The following CSMD1 variants were observed in gnomAD, a reference collection of about 807,000 sequenced individuals.
CSMD1 encodes CUB and sushi domain-containing protein 1.
A neutral mutation model predicts 417.5 loss-of-function variants in CSMD1; 213 were observed. That is an observed-to-expected ratio of 0.51 (90% confidence interval 0.46 to 0.57). CSMD1 has a LOEUF of 0.57. Ranked by LOEUF, CSMD1 falls within the 20% of genes least tolerant of loss-of-function variation. CSMD1 has a pLI of 0.00. For missense variants in CSMD1, 6,923 were observed against 4,529.7 expected, an observed-to-expected ratio of 1.53 and a Z score of -15.17; for synonymous variants, 2,862 against 1,736.8, an observed-to-expected ratio of 1.65 and a Z score of -16.11.
intron 2 of CSMD1, among the ~76,000 whole-genome samples, chr8:4,431,451 G>C (rs1157595138): frequency 1.3e-5 from 2 of 152,098 alleles, no homozygotes; most frequent in Admixed American, 6.6e-5. Context: ...TGAGCACACA[G>C]TCAGGAGAGG....
chr8:4,055,779 G>C lies in CSMD1; in HGVS notation c.416-23680C>G, dbSNP rs917121267. Among the ~76,000 whole-genome samples, 3 of 152,104 alleles carry C rather than the reference G, an allele frequency of 2.0e-5. No homozygotes were observed. In the East Asian group the frequency reaches 5.8e-4, roughly 29 times the overall value. On this transcript the variant is annotated intron_variant, in intron 3 of 69. Coordinates refer to ENST00000635120, the MANE Select transcript of CSMD1 (RefSeq NM_033225.6). ...GACTAGATACTGTATAAACAAACAAGACTCTTCAGCACTTCAAATGACTAA... is the reference window on the plus strand; with the variant it reads ...GACTAGATACTGTATAAACAAACAACACTCTTCAGCACTTCAAATGACTAA...
chr8:4,062,682 C>A (rs6991762), intron 3 of CSMD1, among the ~76,000 whole-genome samples: 2 of 151,666 alleles, frequency 1.3e-5, no homozygotes, highest in Non-Finnish European at 2.9e-5. Flanking sequence ...TTGTGCAAGA[C>A]CCATGATGGC....
chr8:3,171,095 C>T (rs993726661), intron 37 of CSMD1, among the ~76,000 whole-genome samples: 7 of 152,102 alleles, frequency 4.6e-5, no homozygotes, highest in African/African-American at 1.7e-4. Context: ...GATTATAGTT[C>T]ATGAGAATGA....
chr8:3,494,059 A>C (rs1796259103), intron 10 of CSMD1, among the ~76,000 whole-genome samples: 1 of 152,212 alleles, frequency 6.6e-6, no homozygotes, highest in African/African-American at 2.4e-5. Flanking sequence ...ATATTAGCAA[A>C]AGAAATGTTG....
chr8:4,289,992 G>C (rs1338259610), intron 3 of CSMD1, among the ~76,000 whole-genome samples: 1 of 152,166 alleles, frequency 6.6e-6, no homozygotes, highest in East Asian at 1.9e-4. Flanking sequence ...TATATTTAAG[G>C]AATGTGTTAT....
intron 3 of CSMD1, among the ~76,000 whole-genome samples, chr8:4,374,886 A>T (rs1231817146): frequency 6.8e-6 from 1 of 146,600 alleles, no homozygotes; most frequent in Non-Finnish European, 1.5e-5. Context: ...CATGAAGCTG[A>T]AGAAGAGCCA....
chr8:3,909,164 C>A (rs527911085), intron 5 of CSMD1, among the ~76,000 whole-genome samples: 5 of 152,274 alleles, frequency 3.3e-5, no homozygotes, highest in East Asian at 1.9e-4. Context: ...CCTTTGGAGA[C>A]TGGGTCAGGC....
At chr8:3,637,735 G>A (rs2117294288) in intron 7 of CSMD1, among the ~76,000 whole-genome samples, 2 of 152,268 alleles carry the variant, frequency 1.3e-5, no homozygotes, top group Middle Eastern at 6.8e-3. Context: ...GTTTGGCTGT[G>A]TCCCCACCCA....
chr8:4,224,797 T>C (rs558763986), intron 3 of CSMD1, among the ~76,000 whole-genome samples: 45 of 152,338 alleles, frequency 3.0e-4, no homozygotes, highest in Middle Eastern at 3.4e-3. Flanking sequence ...TTAAAATGTG[T>C]GTTCATAATA....
intron 5 of CSMD1, among the ~76,000 whole-genome samples, chr8:3,850,945 T>C (rs923216491): frequency 5.3e-5 from 8 of 152,208 alleles, no homozygotes; most frequent in Non-Finnish European, 1.2e-4. Flanking sequence ...TTACTTCTTT[T>C]AACTTGTTGT....
chr8:4,164,439 G>A (rs570561272), intron 3 of CSMD1, among the ~76,000 whole-genome samples: 12 of 152,218 alleles, frequency 7.9e-5, no homozygotes, highest in Admixed American at 2.6e-4. Flanking sequence ...GGTGACCTCT[G>A]AAACAGCCTG....
intron 1 of CSMD1, among the ~76,000 whole-genome samples, chr8:4,681,861 T>A (rs1806072614): frequency 1.3e-5 from 2 of 152,148 alleles, no homozygotes; most frequent in Non-Finnish European, 2.9e-5. Context: ...GTGAGGAAGG[T>A]AACTCTGCAG....
intron 3 of CSMD1, among the ~76,000 whole-genome samples, chr8:4,105,337 AT>A (rs35419182): frequency 6.7e-4 from 101 of 151,248 alleles, no homozygotes; most frequent in East Asian, 3.5e-3. Flanking sequence ...ACACTTCTGA[AT>A]TTTTTTTTTA....
intron 2 of CSMD1, among the ~76,000 whole-genome samples, chr8:4,569,691 C>G (rs1798790654): frequency 1.3e-5 from 2 of 152,114 alleles, no homozygotes; most frequent in Non-Finnish European, 2.9e-5. Flanking sequence ...TCAATGGTAG[C>G]TTGATGGGAA....
At position 3,032,922 on chromosome 8, in the gene CSMD1, A is replaced by G. The variant is rs1249410830; in HGVS notation, c.7661-3409T>C. 2.0e-5 allele frequency among the ~76,000 whole-genome samples: 3 copies of G among 152,132 alleles called. No individual in the cohort carries two copies. The East Asian group carries it at 5.8e-4, about 29-fold the overall frequency. ...CTCATAAGTTTAAGTCATTGACATT[A>G]CCAGTATATGAAATGCAAATTATGG... On this transcript the variant is annotated intron_variant, in intron 50 of 69. Transcript: ENST00000635120.
intron 69 of CSMD1, among the ~76,000 whole-genome samples, chr8:2,941,183 T>G (rs1414797543): frequency 6.6e-6 from 1 of 152,210 alleles, no homozygotes; most frequent in Admixed American, 6.5e-5. Flanking sequence ...TTGAGTCATA[T>G]TCTTAAAGAA....
At position 3,881,452 on chromosome 8, in the gene CSMD1, T is replaced by C. The variant is rs537047751; in HGVS notation, c.818+116451A>G. On this transcript the variant is annotated intron_variant, in intron 5 of 69. Transcript: ENST00000635120. Reference sequence around the variant, plus strand: ...AGTTCAAAGACCAGCCTGGTCAAGATGGTGAAACCCTGTCTCTACTAAAAA... The same window carrying C: ...AGTTCAAAGACCAGCCTGGTCAAGACGGTGAAACCCTGTCTCTACTAAAAA... Among the ~76,000 whole-genome samples, 9 of 151,588 alleles carry C rather than the reference T, an allele frequency of 5.9e-5. No homozygotes were observed. In the East Asian group the frequency reaches 1.6e-3, roughly 26 times the overall value.
At chr8:4,729,972 C>G (rs1401988130) in intron 1 of CSMD1, among the ~76,000 whole-genome samples, 1 of 152,192 alleles carries the variant, frequency 6.6e-6, no homozygotes, top group East Asian at 1.9e-4. Flanking sequence ...AAACACGGGA[C>G]AAATCACTTC....
chr8:3,349,814 T>C (rs1808275832), intron 21 of CSMD1, among the ~76,000 whole-genome samples: 1 of 143,562 alleles, frequency 7.0e-6, no homozygotes, highest in African/African-American at 2.5e-5. Context: ...GATATAAATA[T>C]ACATATAAAA....
Sources: allele counts gnomAD v4.1 joint callset (sites outside exome capture counted in the v4.1 genomes callset), GRCh38; gene constraint gnomAD v4.1.1; transcripts MANE v1.5; gene names NCBI Gene and HGNC (gene_info 2026-07-23, HGNC 2026-07-21).